EMG1: variants seen among roughly 807,000 people sequenced by gnomAD.
The protein encoded by EMG1 is EMG1 N1-specific pseudouridine methyltransferase, also known as ribosomal RNA small subunit methyltransferase NEP1.
EMG1 carries 24 observed loss-of-function variants against 26.9 expected under a neutral mutation model. That is an observed-to-expected ratio of 0.89 (90% CI 0.65 to 1.26). The LOEUF (loss-of-function observed/expected upper bound fraction) is 1.26. EMG1 is among the 50% of genes most tolerant of loss of function. EMG1 has a pLI of 0.00. For synonymous variants in EMG1, 140 were observed against 112.6 expected, an observed-to-expected ratio of 1.24 and a Z score of -1.54; for missense variants, 299 against 307.6, an observed-to-expected ratio of 0.97 and a Z score of 0.21.
intron 3 of EMG1, 44 bp downstream of exon 3, chr12:6,974,737 G>A (rs1565594364): frequency 6.2e-7 from 1 of 1,605,590 alleles, no homozygotes; most frequent in Non-Finnish European, 8.5e-7. Context: ...TGTCAGTAGG[G>A]AAGAAGGGAG....
rs1234383095 is a variant in EMG1 at position 6,974,960 on chromosome 12, T to G, written c.413-130T>G. 2.6e-5 allele frequency: 26 copies of G among 988,040 alleles called. 1 individual carries two copies. The highest frequency in any genetic ancestry group is 4.0e-5 in the Non-Finnish European group (25 of 630,022). 61.2% of individuals were successfully genotyped at this position (988,040 alleles called of 1,614,324 possible). On this transcript the variant is annotated intron_variant, in intron 3 of 5. Coordinates refer to ENST00000599672, the MANE Select transcript of EMG1 (RefSeq NM_006331.8). ...GCTTGGCAACTGTTTGTTCCTAACA[T>G]TTCAGGAGTCCAGTCTAGATATAAA...
chr12:6,982,944 T>TA, downstream of EMG1: 1 of 664,384 alleles, frequency 1.5e-6, no homozygotes, highest in Non-Finnish European at 2.7e-6. Context: ...TTTATTAAAA[T>TA]AAAAAAGATT....
rs1946417866 is a variant in EMG1, at chr12:6,977,412, G to A, written c.*1603G>A. The A allele has an allele frequency of 2.5e-6, 4 of 1,614,094 alleles. No homozygotes were observed. Among genetic ancestry groups the A allele is most frequent in the South Asian group, 1.1e-5 (1 of 91,090 alleles). ...TGAAGAGGCAGAAGGCAGTCATGGA[G>A]TAACCCATGAAGAGCCAGTGGATGG... On this transcript the variant is annotated 3_prime_UTR_variant, in exon 6 of 6. Coordinates refer to ENST00000599672, the MANE Select transcript of EMG1 (RefSeq NM_006331.8). This position sits in a 1 kb window ranked among gnomAD's most constrained non-coding sequence, Gnocchi z 4.5.
chr12:6,975,561 C>CTTCATCCTTTG (rs1376455328), intron 5 of EMG1, 135 bp from the exon 6 acceptor site: 2 of 954,278 alleles, frequency 2.1e-6, no homozygotes, highest in African/African-American at 3.2e-5. Context: ...TTAGGACCTT[C>CTTCATCCTTTG]TTCATCCTTT....
In EMG1 at chr12:6,977,578, C is replaced by A. The variant is rs782239619; in HGVS notation, c.*1769C>A. 1.2e-6 allele frequency: 2 copies of A among 1,614,044 alleles called. No individual in the cohort carries two copies. The highest frequency in any genetic ancestry group is 1.3e-5 in the African/African-American group (1 of 74,908). On this transcript the variant is annotated 3_prime_UTR_variant, in exon 6 of 6. Coordinates refer to ENST00000599672, the MANE Select transcript of EMG1 (RefSeq NM_006331.8). The surrounding 1 kb of genome is among the most constrained non-coding windows in gnomAD (Gnocchi z 4.5). ...ATCTTGTCCCTTATATTCCCCTTCA[C>A]CCCCACCCTGGAGGCCTACCTGTCT...
At chr12:6,982,660 AG>A (rs782363297), downstream of EMG1, 49 of 1,584,016 alleles carry the variant, frequency 3.1e-5, no homozygotes, top group East Asian at 9.4e-4. Flanking sequence ...TGAGCTGCTA[AG>A]GGAAAGACGT....
chr12:6,980,959 G>T, downstream of EMG1: 1 of 1,509,806 alleles, frequency 6.6e-7, no homozygotes, highest in South Asian at 1.3e-5. Context: ...ACTTCAGAGT[G>T]AGTGAAATAC....
chr12:6,975,630 C>T (rs1209854273), intron 5 of EMG1, 66 bp from the exon 6 acceptor site: 3 of 1,148,530 alleles, frequency 2.6e-6, no homozygotes, highest in African/African-American at 3.0e-5. Context: ...AGTTTTCCTG[C>T]CCTAAAGAAG....
rs1371430452 is a variant in EMG1 at position 6,975,727 on chromosome 12, C to T, written c.653C>T (p.Ser218Phe). The T allele has an allele frequency of 6.2e-7, 1 of 1,612,912 alleles. No individual in the cohort carries two copies. The highest frequency in any genetic ancestry group is 1.3e-5 in the African/African-American group (1 of 74,904). The change falls in exon 6 of 6, where the codon TCC (serine) becomes TTC (phenylalanine). Residue 218 changes from serine (S) to phenylalanine (F), a missense_variant. Ser to Phe is a radical substitution (Grantham distance 155). Transcript: ENST00000599672. ...GTGGAGTATACAGAGAAGATGGTGTCCATCAGTAACTACCCCCTTTCTGCT... is the reference window on the plus strand; with the variant it reads ...GTGGAGTATACAGAGAAGATGGTGTTCATCAGTAACTACCCCCTTTCTGCT... ...VSVEYTEKMV[S>F]ISNYPLSAAL...
intron 1 of EMG1, among the ~76,000 whole-genome samples, chr12:6,973,618 C>T (rs1364056303): frequency 1.3e-5 from 2 of 152,198 alleles, no homozygotes; most frequent in African/African-American, 2.4e-5. Context: ...TGCAGTGGCG[C>T]TGCAAGCTCC....
In EMG1 at chr12:6,976,515, A is replaced by G. The variant is rs1946403031; in HGVS notation, c.*706A>G. ...GGAGGCGGGTGGATCACTTGCGGTCAGGAGTTCGAGACCAGCCTGGCCAAC... is the reference window on the plus strand; with the variant it reads ...GGAGGCGGGTGGATCACTTGCGGTCGGGAGTTCGAGACCAGCCTGGCCAAC... On this transcript the variant is annotated 3_prime_UTR_variant, in exon 6 of 6. Coordinates refer to ENST00000599672, the MANE Select transcript of EMG1 (RefSeq NM_006331.8). 1.3e-5 allele frequency: 2 copies of G among 153,140 alleles called. No individual in the cohort carries two copies. Among genetic ancestry groups the G allele is most frequent in the African/African-American group, 4.8e-5 (2 of 41,436 alleles). The allele number at this position is 153,140 out of a possible 1,614,324, so 9.5% of individuals were successfully genotyped here.
intron 6 of EMG1, among the ~76,000 whole-genome samples, chr12:6,986,510 T>C (rs1946527332): frequency 6.6e-6 from 1 of 151,988 alleles, no homozygotes; most frequent in African/African-American, 2.4e-5. Context: ...TGTGGCCGGG[T>C]GTGGTGGCTC....
chr12:6,992,364 A>T (rs1946597793), downstream of EMG1, among the ~76,000 whole-genome samples: 1 of 151,862 alleles, frequency 6.6e-6, no homozygotes, highest in Admixed American at 6.6e-5. Flanking sequence ...TTCATCAACG[A>T]TTCTTAAGTG....
chr12:6,979,474 A>G lies in EMG1; in HGVS notation c.*3665A>G. 1.9e-6 allele frequency: 3 copies of G among 1,608,582 alleles called. No homozygotes were observed. The highest frequency in any genetic ancestry group is 2.6e-6 in the Non-Finnish European group (3 of 1,174,956). On this transcript the variant is annotated 3_prime_UTR_variant, in exon 6 of 6. Coordinates refer to ENST00000599672, the MANE Select transcript of EMG1 (RefSeq NM_006331.8). ...TGCTGCTTTAGTAGACACTCACGTC[A>G]TAGTCTTCAGTGAGGAGATAGTCTT...
At chr12:6,974,919 G>A in intron 3 of EMG1, 171 bp from the exon 4 acceptor site, 1 of 826,726 alleles carries the variant, frequency 1.2e-6, no homozygotes, top group Non-Finnish European at 2.0e-6. Context: ...ACCCATCACT[G>A]TACAGCTAGC....
rs782041747 is a variant in EMG1 at position 6,977,480 on chromosome 12, C to T, written c.*1671C>T. The T allele has an allele frequency of 1.1e-5, 17 of 1,614,174 alleles. No individual in the cohort carries two copies. The highest frequency in any genetic ancestry group is 8.0e-5 in the African/African-American group (6 of 75,046). ...TAGAAGGGCTGGAGGACAGTAATGG[C>T]GGCCAGCTTGCTCAGGGTGGGGCTC... On this transcript the variant is annotated 3_prime_UTR_variant, in exon 6 of 6. Coordinates refer to ENST00000599672, the MANE Select transcript of EMG1 (RefSeq NM_006331.8). This position sits in a 1 kb window ranked among gnomAD's most constrained non-coding sequence, Gnocchi z 4.5.
chr12:6,995,160 C>G (rs972231255), intron 7 of EMG1, among the ~76,000 whole-genome samples: 3 of 150,426 alleles, frequency 2.0e-5, no homozygotes, highest in Non-Finnish European at 4.4e-5. Context: ...TACCATTCTC[C>G]AGGTCACACA....
downstream of EMG1, chr12:6,980,075 C>A (rs1268459680): frequency 2.0e-5 from 3 of 148,724 alleles, no homozygotes; most frequent in African/African-American, 7.7e-5. Context: ...AGAGTCAGGG[C>A]CTTGCTCTGC....
rs1555153696 is a variant in EMG1, at chr12:6,978,970, G to A, written c.*3161G>A. On this transcript the variant is annotated 3_prime_UTR_variant, in exon 6 of 6. Coordinates refer to ENST00000599672, the MANE Select transcript of EMG1 (RefSeq NM_006331.8). ...TTCGTTGGCAAAGTGTTTGGAATGA[G>A]CATTTGGAATGTTAAGTACAGAGGG... is the stretch of plus-strand genomic sequence containing the variant. The A allele has an allele frequency of 4.8e-6, 2 of 419,986 alleles. No individual in the cohort carries two copies. Among genetic ancestry groups the A allele is most frequent in the East Asian group, 8.7e-5 (2 of 22,940 alleles). The allele number at this position is 419,986 out of a possible 1,614,324, so 26.0% of individuals were successfully genotyped here.
Sources: gnomAD v4.1 joint callset for allele counts (sites outside exome capture counted in the v4.1 genomes callset) on GRCh38, gnomAD v4.1.1 for gene constraint, Gnocchi (gnomAD v3.1) non-coding constraint, MANE v1.5 for transcripts, NCBI Gene and HGNC (gene_info 2026-07-23, HGNC 2026-07-21) for gene names.